LAMA3: variants seen among roughly 807,000 people sequenced by gnomAD.
The protein encoded by LAMA3 is laminin subunit alpha-3.
Under a neutral mutation model 402.0 loss-of-function variants are expected in LAMA3, and 281 were observed. The observed-to-expected ratio is 0.70, with a 90% CI of 0.63 to 0.77. The LOEUF is 0.77. Ranked by LOEUF, LAMA3 falls within the 30% of genes least tolerant of loss-of-function variation. LAMA3 has a pLI of 0.00. For missense variants in LAMA3, 3,840 were observed against 4,215.5 expected (o/e 0.91, Z 2.47); for synonymous variants, 1,431 against 1,558.4 (o/e 0.92, Z 1.93).
chr18:23,694,552 A>T (rs1445338348), intron 1 of LAMA3, among the ~76,000 whole-genome samples: 1 of 152,242 alleles, frequency 6.6e-6, no homozygotes, highest in Non-Finnish European at 1.5e-5. Flanking sequence ...TGCTTCTTTT[A>T]CAAATGAGGA....
chr18:23,723,768 C>T (rs1436344495), intron 2 of LAMA3, among the ~76,000 whole-genome samples: 1 of 151,952 alleles, frequency 6.6e-6, no homozygotes, highest in African/African-American at 2.4e-5. Flanking sequence ...TAGTACCAAC[C>T]TAGGAGGGTT....
At chr18:23,785,899 A>T (rs1434135642) in intron 12 of LAMA3, among the ~76,000 whole-genome samples, 2 of 152,226 alleles carry the variant, frequency 1.3e-5, no homozygotes, top group South Asian at 4.1e-4. Flanking sequence ...ACAACACTTT[A>T]AGAATGCTCT....
intron 20 of LAMA3, among the ~76,000 whole-genome samples, chr18:23,822,685 TGAC>T (rs1303038687): frequency 6.6e-6 from 1 of 152,272 alleles, no homozygotes; most frequent in Non-Finnish European, 1.5e-5. Flanking sequence ...TCATTCACAG[TGAC>T]GAGGGTGTCA....
At chr18:23,735,412 A>G (rs1297564770) in intron 2 of LAMA3, among the ~76,000 whole-genome samples, 1 of 152,232 alleles carries the variant, frequency 6.6e-6, no homozygotes, top group Admixed American at 6.5e-5. Flanking sequence ...CTATGCGTGT[A>G]GGCTTCTAGG....
chr18:23,857,704 C>T, intron 32 of LAMA3, 140 bp from the exon 33 acceptor site: 5 of 1,052,868 alleles, frequency 4.7e-6, no homozygotes, highest in Middle Eastern at 2.0e-4. Context: ...TGCCTCTCTC[C>T]ATTCTGCCTT....
chr18:23,831,703 G>A (rs895127013), intron 23 of LAMA3, among the ~76,000 whole-genome samples: 1 of 152,146 alleles, frequency 6.6e-6, no homozygotes, highest in African/African-American at 2.4e-5. Context: ...TCACCTCGCT[G>A]GTGGACTGGC....
chr18:23,915,412 C>T lies in LAMA3; in HGVS notation c.7768C>T (p.Pro2590Ser), dbSNP rs1876670881. 6.2e-7 allele frequency: 1 copy of T among 1,613,496 alleles called. No individual in the cohort carries two copies. Among genetic ancestry groups the T allele is most frequent in the Non-Finnish European group, 8.5e-7 (1 of 1,179,792 alleles). The change falls in exon 59 of 75, where the codon CCT (proline) becomes TCT (serine). Residue 2590 changes from proline to serine, a missense_variant. Coordinates refer to ENST00000313654, the MANE Select transcript of LAMA3 (RefSeq NM_198129.4). The part of the protein sequence containing the change: ...TFNLNTTEVE[P>S]CRRRKEESDK... The stretch of plus-strand genomic sequence containing the variant: ...CAATCTCAACACAACTGAAGTGGAG[C>T]CTTGTAGAAGGTAAATAAAATGTAG...
chr18:23,845,798 C>G (rs1043254529), intron 30 of LAMA3, among the ~76,000 whole-genome samples: 1 of 152,184 alleles, frequency 6.6e-6, no homozygotes, highest in Non-Finnish European at 1.5e-5. Flanking sequence ...TGTCACCTAA[C>G]TTCTAGGAGC....
chr18:23,796,086 C>T (rs1163516196), intron 12 of LAMA3: 1 of 444,216 alleles, frequency 2.3e-6, no homozygotes, highest in East Asian at 7.3e-5. Context: ...ACTGAACCAG[C>T]CAGCACCTGG....
At chr18:23,810,214 C>T in intron 12 of LAMA3, 152 bp from the exon 13 acceptor site, 1 of 851,690 alleles carries the variant, frequency 1.2e-6, no homozygotes, top group Non-Finnish European at 2.0e-6. Flanking sequence ...AGTTGAGTGG[C>T]TTGTTTCAGG....
At chr18:23,691,712 T>C (rs1191295928) in intron 1 of LAMA3, among the ~76,000 whole-genome samples, 1 of 152,184 alleles carries the variant, frequency 6.6e-6, no homozygotes, top group African/African-American at 2.4e-5. Flanking sequence ...GCTGGGACTA[T>C]AGGCACATGC....
chr18:23,883,694 G>A (rs1304087172), intron 40 of LAMA3, among the ~76,000 whole-genome samples: 1 of 152,214 alleles, frequency 6.6e-6, no homozygotes, highest in African/African-American at 2.4e-5. Context: ...TCAATCACAT[G>A]AGCTTGCCCA....
intron 37 of LAMA3, among the ~76,000 whole-genome samples, chr18:23,870,036 G>T (rs767866523): frequency 7.2e-5 from 11 of 152,136 alleles, no homozygotes; most frequent in Non-Finnish European, 7.4e-5. Context: ...CAGGTGCAGT[G>T]GCTCACACCT....
At chr18:23,934,418 CGTGGA>C (rs1469647578) in intron 67 of LAMA3, among the ~76,000 whole-genome samples, 1 of 152,076 alleles carries the variant, frequency 6.6e-6, no homozygotes, top group African/African-American at 2.4e-5. Flanking sequence ...GTTAGATGCT[CGTGGA>C]GTGGGTGTCT....
chr18:23,710,277 T>A (rs564229679), intron 1 of LAMA3: 2 of 539,828 alleles, frequency 3.7e-6, no homozygotes, highest in African/African-American at 3.9e-5. Flanking sequence ...CTTCTTCGCC[T>A]TCGGCGCCAT....
intron 62 of LAMA3, among the ~76,000 whole-genome samples, chr18:23,923,830 T>C (rs2081922975): frequency 1.3e-5 from 2 of 152,120 alleles, no homozygotes; most frequent in Admixed American, 1.3e-4. Flanking sequence ...CCCTAGACAG[T>C]GATGTGGATG....
intron 47 of LAMA3, 118 bp from the exon 48 acceptor site, chr18:23,901,009 C>T (rs1021862823): frequency 1.1e-6 from 1 of 916,156 alleles, no homozygotes; most frequent in African/African-American, 1.6e-5. Context: ...CCCATCCCCT[C>T]CAAAGTTCAA....
At chr18:23,949,488 C>A (rs773338904) in intron 70 of LAMA3, among the ~76,000 whole-genome samples, 1 of 152,108 alleles carries the variant, frequency 6.6e-6, no homozygotes, top group African/African-American at 2.4e-5. Flanking sequence ...TGCACTAGCC[C>A]GCCCTCCTGC....
chr18:23,842,411 G>T lies in LAMA3; in HGVS notation c.3353G>T (p.Arg1118Ile). 4 of 1,613,998 alleles carry T rather than the reference G, an allele frequency of 2.5e-6. No homozygotes were observed. Among genetic ancestry groups the T allele is most frequent in the Non-Finnish European group, 3.4e-6 (4 of 1,180,030 alleles). Residue 1118 changes from arginine (R) to isoleucine (I), a missense_variant, in exon 28 of 75, where the codon AGA becomes ATA. Physicochemically the swap from Arg to Ile is moderately conservative, Grantham distance 97. Transcript: ENST00000313654. Reference protein sequence around the residue: ...LKAPQNQVTLRGRVPHLGRYV... With the variant: ...LKAPQNQVTLIGRVPHLGRYV... ...TCCTCTTAGAATCAAGTGACCCTGA[G>T]AGGACGTGTACCACACCTGGGCCGA...
Sources: gnomAD v4.1 joint callset for allele counts (sites outside exome capture counted in the v4.1 genomes callset) on GRCh38, gnomAD v4.1.1 for gene constraint, MANE v1.5 for transcripts, NCBI Gene and HGNC (gene_info 2026-07-23, HGNC 2026-07-21) for gene names.